Variants in AKAP17A observed in about 807,000 individuals in gnomAD.
AKAP17A encodes the protein A-kinase anchoring protein 17A, also known as A-kinase anchor protein 17A.
In AKAP17A, 15 loss-of-function variants were observed where a neutral mutation model predicts 52.2. That is an observed-to-expected ratio of 0.29 (90% CI 0.19 to 0.44). The LOEUF (loss-of-function observed/expected upper bound fraction) is 0.44, where lower values mean the gene tolerates loss of function less well. Among genes scored for constraint, AKAP17A ranks in the 20% least tolerant of loss-of-function variants. The pLI, the probability that AKAP17A is intolerant of heterozygous loss-of-function variation, is 1.00. For synonymous variants in AKAP17A, 514 were observed against 424.7 expected (o/e 1.21, Z -2.58); for missense variants, 1,060 against 1,007.0 (o/e 1.05, Z -0.71).
rs1163074304 is a variant in AKAP17A, at chrX:1,600,356, C to T, written c.1153-303C>T. On this transcript the variant is annotated intron_variant, in intron 4 of 4. Coordinates refer to ENST00000313871, the MANE Select transcript of AKAP17A (RefSeq NM_005088.3). ...CGCCTGTGTGCAACGTGGTGGGGCT[C>T]CCGGCAGGGCTCGGCTCTGCCCAAG... is the stretch of plus-strand genomic sequence containing the variant. The T allele has an allele frequency of 7.7e-6, 5 of 648,246 alleles. No homozygotes were observed. The African/African-American group carries it at 9.1e-5, about 12-fold the overall frequency. The allele number at this position is 648,246 out of a possible 1,614,324, so 40.2% of individuals were successfully genotyped here.
chrX:1,595,681 C>G (rs1932940812), intron 3 of AKAP17A, 149 bp downstream of exon 3: 1 of 1,273,976 alleles, frequency 7.8e-7, no homozygotes, highest in South Asian at 1.4e-5. Context: ...TGCATGGACG[C>G]ACGTGTGCCT....
Position 1,594,074 on chromosome X carries a change from C to A in AKAP17A, c.612C>A (p.Phe204Leu). 6.2e-7 allele frequency: 1 copy of A among 1,613,608 alleles called. No homozygotes were observed. The highest frequency in any genetic ancestry group is 8.5e-7 in the Non-Finnish European group (1 of 1,179,740). The change falls in exon 2 of 5, where the codon TTC becomes TTA. Residue 204 changes from phenylalanine to leucine, a missense_variant. Transcript: ENST00000313871. ...PYREEMTGRNFHTFSFGGHLN... is the reference protein window; with the variant it reads ...PYREEMTGRNLHTFSFGGHLN... ...GGGAGGAGATGACGGGCCGCAACTT[C>A]CACACCTTCAGTTTCGGGGGGCACT...
intron 3 of AKAP17A, among the ~76,000 whole-genome samples, chrX:1,596,772 C>G: frequency 1.5e-5 from 1 of 68,086 alleles, no homozygotes; most frequent in African/African-American, 6.8e-5. Context: ...CCTCCTCCTC[C>G]TCCTCTTCCT....
intron 3 of AKAP17A, among the ~76,000 whole-genome samples, chrX:1,597,794 C>G (rs1475904985): frequency 6.6e-6 from 1 of 152,082 alleles, no homozygotes; most frequent in Non-Finnish European, 1.5e-5. Flanking sequence ...GGGACCCCGT[C>G]TGCCTGGCCA....
chrX:1,596,934 ACTC>A (rs1357691854), intron 3 of AKAP17A, among the ~76,000 whole-genome samples: 3 of 97,286 alleles, frequency 3.1e-5, no homozygotes, highest in Non-Finnish European at 7.0e-5. Flanking sequence ...TCCTCCTCCT[ACTC>A]CTCTTCGTCC....
In AKAP17A at chrX:1,600,869, G is replaced by C; in HGVS notation, c.1363G>C (p.Glu455Gln). ...GCCGGACGACAGCCACACACACGAC[G>C]AGCTGGGCGTGGCACACGCCGACCT... The part of the protein sequence containing the change: ...KKPDDSHTHD[E>Q]LGVAHADLLQ... Residue 455 changes from glutamate (E) to glutamine (Q), a missense_variant, in exon 5 of 5, where the codon GAG (glutamate) becomes CAG (glutamine). This residue lies in a region of AKAP17A where 793 missense variants were observed against 629.9 expected (regional missense o/e 1.26). Coordinates refer to ENST00000313871, the MANE Select transcript of AKAP17A (RefSeq NM_005088.3). 10 of 1,588,134 alleles carry C rather than the reference G, an allele frequency of 6.3e-6. No homozygotes were observed. The highest frequency in any genetic ancestry group is 7.7e-6 in the Non-Finnish European group (9 of 1,171,494).
At chrX:1,596,893 T>TGAGGTGGATTCCTCCTCCTCCTTCTCCAC in intron 3 of AKAP17A, among the ~76,000 whole-genome samples, 2 of 144,226 alleles carry the variant, frequency 1.4e-5, no homozygotes, top group Non-Finnish European at 3.0e-5. Context: ...TCCTTCTCCG[T>TGAGGTGGATTCCTCCTCCTCCTTCTCCAC]CCCTCCCACC....
Position 1,601,065 on chromosome X carries a change from C to T in AKAP17A, c.1559C>T (p.Ala520Val). The change falls in exon 5 of 5, where the codon GCC (alanine) becomes GTC (valine). Residue 520 changes from alanine to valine, a missense_variant. Ala to Val is a moderately conservative substitution (Grantham distance 64). Coordinates refer to ENST00000313871, the MANE Select transcript of AKAP17A (RefSeq NM_005088.3). Reference protein sequence around the residue: ...KSVNGSVAEEAPCKEVQSSCR... With the variant: ...KSVNGSVAEEVPCKEVQSSCR... ...GTGAACGGGAGCGTGGCCGAGGAGG[C>T]CCCATGCAAGGAGGTTCAGAGCTCC... The T allele has an allele frequency of 6.2e-7, 1 of 1,613,506 alleles. No homozygotes were observed.
chrX:1,598,331 A>G (rs1421468920), intron 3 of AKAP17A, among the ~76,000 whole-genome samples: 4 of 152,078 alleles, frequency 2.6e-5, no homozygotes, highest in Non-Finnish European at 5.9e-5. Context: ...AGAGCGTGGG[A>G]TGCCTTTTCT....
At position 1,601,530 on chromosome X, in the gene AKAP17A, G is replaced by A. The variant is rs373706301; in HGVS notation, c.2024G>A (p.Arg675His). 3.9e-5 allele frequency: 58 copies of A among 1,487,930 alleles called. No individual in the cohort carries two copies. Among genetic ancestry groups the A allele is most frequent in the South Asian group, 1.2e-4 (9 of 75,662 alleles). 92.2% of individuals were successfully genotyped at this position (1,487,930 alleles called of 1,614,324 possible). A position where few individuals can be genotyped will look rare whatever the true frequency, so the allele number is the denominator to read the frequency against. Residue 675 changes from arginine (R) to histidine (H), a missense_variant, in exon 5 of 5, where the codon CGC (arginine) becomes CAC (histidine). Arg to His is a conservative substitution (Grantham distance 29). This residue lies in a region of AKAP17A where 793 missense variants were observed against 629.9 expected (regional missense o/e 1.26). Transcript: ENST00000313871. ...GCCAGCAGGAAGCACAGCCGCCACCGCCGCCGAAGCGAGCGGTCGCGCTCC... is the reference window on the plus strand; with the variant it reads ...GCCAGCAGGAAGCACAGCCGCCACCACCGCCGAAGCGAGCGGTCGCGCTCC... ...GSASRKHSRH[R>H]RRSERSRSRS...
rs1443612503 is a variant in AKAP17A, at chrX:1,601,653, C to T, written c.*59C>T. 8 of 1,354,732 alleles carry T rather than the reference C, an allele frequency of 5.9e-6. No homozygotes were observed. Among genetic ancestry groups the T allele is most frequent in the Admixed American group, 3.4e-5 (1 of 29,060 alleles). 83.9% of individuals were successfully genotyped at this position (1,354,732 alleles called of 1,614,324 possible). A position where few individuals can be genotyped will look rare whatever the true frequency, so the allele number is the denominator to read the frequency against. ...AAAGACCAGGACCTGCTCGAGCCTC[C>T]TGGCCGCTCCTTGGCCGCTCTCCGT... On this transcript the variant is annotated 3_prime_UTR_variant, in exon 5 of 5. Transcript: ENST00000313871.
chrX:1,596,603 C>T (rs1932999688), intron 3 of AKAP17A, among the ~76,000 whole-genome samples: 1 of 128,976 alleles, frequency 7.8e-6, no homozygotes, highest in Non-Finnish European at 1.6e-5. Flanking sequence ...CCCTCCCACC[C>T]TCCTAGTGAG....
Position 1,593,858 on chromosome X carries a change from C to T in AKAP17A, c.396C>T (p.Arg132=), listed in dbSNP as rs760342123. The T allele has an allele frequency of 1.9e-5, 31 of 1,612,308 alleles. No individual in the cohort carries two copies. Among genetic ancestry groups the T allele is most frequent in the South Asian group, 2.2e-5 (2 of 90,944 alleles). The change falls in exon 2 of 5, where the codon CGC becomes CGT. Residue 132 remains arginine (R), a synonymous_variant. Transcript: ENST00000313871. ...GCCACGACTGGGACTCCTTCTTCCG[C>T]GACGCCAAGGACATGAACGAGACCC... The part of the protein sequence containing the change: ...PTRHDWDSFF[R]DAKDMNETLP...
chrX:1,601,390 C>A lies in AKAP17A; in HGVS notation c.1884C>A (p.Ala628=). 1 of 1,568,610 alleles carries A rather than the reference C, an allele frequency of 6.4e-7. No individual in the cohort carries two copies. ...RKERRPHKKH[A]YKDDSPRRRS... Reference sequence around the variant, plus strand: ...AGCGGCGGCCCCACAAGAAGCACGCCTACAAGGATGACAGCCCCCGCCGGC... The same window carrying A: ...AGCGGCGGCCCCACAAGAAGCACGCATACAAGGATGACAGCCCCCGCCGGC... Residue 628 remains alanine, a synonymous_variant, in exon 5 of 5, where the codon GCC becomes GCA. Coordinates refer to ENST00000313871, the MANE Select transcript of AKAP17A (RefSeq NM_005088.3).
At chrX:1,596,167 A>G (rs540770775) in intron 3 of AKAP17A, among the ~76,000 whole-genome samples, 3 of 148,314 alleles carry the variant, frequency 2.0e-5, no homozygotes, top group African/African-American at 7.5e-5. Context: ...GCAAGTTTGC[A>G]TTTAGGTTGA....
Position 1,601,602 on chromosome X carries a change from C to T in AKAP17A, c.*8C>T, listed in dbSNP as rs1409812991. 7.1e-7 allele frequency: 1 copy of T among 1,417,150 alleles called. No homozygotes were observed. The highest frequency in any genetic ancestry group is 9.1e-7 in the Non-Finnish European group (1 of 1,093,068). The allele number at this position is 1,417,150 out of a possible 1,614,324, so 87.8% of individuals were successfully genotyped here. A position where few individuals can be genotyped will look rare whatever the true frequency, so the allele number is the denominator to read the frequency against. On this transcript the variant is annotated 3_prime_UTR_variant, in exon 5 of 5. Coordinates refer to ENST00000313871, the MANE Select transcript of AKAP17A (RefSeq NM_005088.3). ...AGTACCTGGAACAGGTAATGACGGG[C>T]ACGGCCTCCCCACGGCCTGTCCGGG...
chrX:1,601,342 G>A lies in AKAP17A; in HGVS notation c.1836G>A (p.Arg612=). The change falls in exon 5 of 5, where the codon AGG becomes AGA. Residue 612 remains arginine (R), a synonymous_variant. Coordinates refer to ENST00000313871, the MANE Select transcript of AKAP17A (RefSeq NM_005088.3). ...GCCGGGCCAGGCGGGCCAGCAGCAG[G>A]GAGGACGGGAGGCCACGCAAGGAGC... ...ERSRARRASS[R]EDGRPRKERR... 1.3e-6 allele frequency: 2 copies of A among 1,594,462 alleles called. No individual in the cohort carries two copies. Among genetic ancestry groups the A allele is most frequent in the Non-Finnish European group, 1.7e-6 (2 of 1,173,800 alleles).
chrX:1,593,472 G>A lies in AKAP17A; in HGVS notation c.10G>A (p.Ala4Thr), dbSNP rs1242559920. The A allele has an allele frequency of 6.2e-7, 1 of 1,612,346 alleles. No homozygotes were observed. Residue 4 changes from alanine (A) to threonine (T), a missense_variant, in exon 2 of 5, where the codon GCT becomes ACT. Around this residue, in one of 2 missense-constraint regions of AKAP17A, gnomAD observed 267 missense variants for 377.1 expected, o/e 0.71. Coordinates refer to ENST00000313871, the MANE Select transcript of AKAP17A (RefSeq NM_005088.3). ...CAAGGTCCCGGAGGCTATGGCAGCG[G>A]CTACCATCGTGCACGACACGTCTGA... MAA[A>T]TIVHDTSEAV...
At chrX:1,595,275 G>A (rs759892351) in intron 2 of AKAP17A, 109 bp from the exon 3 acceptor site, 4 of 1,441,834 alleles carry the variant, frequency 2.8e-6, no homozygotes, top group Admixed American at 2.0e-5. Flanking sequence ...CGGTGAGCGG[G>A]CGCTCAGGCT....
Sources: gnomAD v4.1 joint callset for allele counts (sites outside exome capture counted in the v4.1 genomes callset) on GRCh38, gnomAD v4.1.1 for gene constraint, gnomAD v4.1.1 regional missense constraint, MANE v1.5 for transcripts, NCBI Gene and HGNC (gene_info 2026-07-23, HGNC 2026-07-21) for gene names.